Variants in AKAP6 observed in about 807,000 individuals in gnomAD.
AKAP6 encodes A-kinase anchoring protein 6.
AKAP6 carries 58 observed loss-of-function variants against 188.5 expected under a neutral mutation model. The observed-to-expected ratio is 0.31, with a 90% confidence interval of 0.25 to 0.38. The LOEUF (loss-of-function observed/expected upper bound fraction) is 0.38. AKAP6 is among the 10% of genes least tolerant of loss of function. The pLI, the probability that AKAP6 is intolerant of heterozygous loss-of-function variation, is 1.00. For missense variants in AKAP6, 2,710 were observed against 2,740.0 expected, an observed-to-expected ratio of 0.99 and a Z score of 0.24; for synonymous variants, 989 against 998.6, an observed-to-expected ratio of 0.99 and a Z score of 0.18.
intron 12 of AKAP6, among the ~76,000 whole-genome samples, chr14:32,816,156 A>G (rs2034371816): frequency 6.6e-6 from 1 of 152,148 alleles, no homozygotes; most frequent in Non-Finnish European, 1.5e-5. Flanking sequence ...CCATTTTCAG[A>G]GATGGAAGCA....
intron 7 of AKAP6, among the ~76,000 whole-genome samples, chr14:32,612,049 T>G (rs1886371169): frequency 6.6e-6 from 1 of 152,118 alleles, no homozygotes; most frequent in Non-Finnish European, 1.5e-5. Context: ...GAGGAGGGAC[T>G]AGAGAACAGA....
chr14:32,785,740 C>T (rs1204030582), intron 12 of AKAP6, among the ~76,000 whole-genome samples: 1 of 152,106 alleles, frequency 6.6e-6, no homozygotes, highest in African/African-American at 2.4e-5. Context: ...AGGACAACTT[C>T]TTTCTCTCAC....
At chr14:32,463,512 G>A (rs1402949815) in intron 2 of AKAP6, among the ~76,000 whole-genome samples, 1 of 152,098 alleles carries the variant, frequency 6.6e-6, no homozygotes, top group Non-Finnish European at 1.5e-5. Context: ...GGGGTAAAGA[G>A]TGAAATTAAG....
chr14:32,779,245 AT>A (rs1301953969), intron 12 of AKAP6, among the ~76,000 whole-genome samples: 1 of 151,808 alleles, frequency 6.6e-6, no homozygotes, highest in Admixed American at 6.6e-5. Flanking sequence ...AAAAATAAAA[AT>A]AAAAAATTAG....
chr14:32,688,007 A>G (rs1178948604), intron 8 of AKAP6, among the ~76,000 whole-genome samples: 1 of 152,158 alleles, frequency 6.6e-6, no homozygotes, highest in Non-Finnish European at 1.5e-5. Flanking sequence ...GATGACATCC[A>G]TGCCAAGAGC....
chr14:32,531,919 T>C (rs1430413455), intron 2 of AKAP6, among the ~76,000 whole-genome samples: 1 of 152,220 alleles, frequency 6.6e-6, no homozygotes, highest in Non-Finnish European at 1.5e-5. Flanking sequence ...AGTTTACCTA[T>C]TGAAGGTTTT....
chr14:32,614,956 G>A (rs1222113904), intron 7 of AKAP6, among the ~76,000 whole-genome samples: 1 of 151,772 alleles, frequency 6.6e-6, no homozygotes, highest in African/African-American at 2.4e-5. Context: ...AGATCATGAG[G>A]TCAAGAGATC....
intron 5 of AKAP6, among the ~76,000 whole-genome samples, chr14:32,598,364 C>T (rs1885788894): frequency 6.6e-6 from 1 of 152,034 alleles, no homozygotes; most frequent in East Asian, 1.9e-4. Flanking sequence ...GAATTTTCAC[C>T]CCCCAAATTA....
intron 9 of AKAP6, among the ~76,000 whole-genome samples, chr14:32,727,417 G>A (rs1434077806): frequency 1.3e-5 from 2 of 152,162 alleles, no homozygotes; most frequent in Admixed American, 6.5e-5. Flanking sequence ...TTTCTGAGTG[G>A]TATGATTGGA....
chr14:32,457,122 GA>G (rs1286252419), intron 2 of AKAP6, among the ~76,000 whole-genome samples: 1 of 151,934 alleles, frequency 6.6e-6, no homozygotes, highest in Non-Finnish European at 1.5e-5. Flanking sequence ...TGATTAAATG[GA>G]AAAAAACAAA....
chr14:32,542,308 GTCATTCAT>G (rs767873167), intron 3 of AKAP6, among the ~76,000 whole-genome samples: 1 of 152,078 alleles, frequency 6.6e-6, no homozygotes, highest in Non-Finnish European at 1.5e-5. Context: ...CTAAAATGTT[GTCATTCAT>G]TCATTCATTC....
chr14:32,696,871 G>A (rs1890425874), intron 9 of AKAP6, among the ~76,000 whole-genome samples: 1 of 151,712 alleles, frequency 6.6e-6, no homozygotes, highest in Non-Finnish European at 1.5e-5. Flanking sequence ...ACTTTCCACT[G>A]AAATATCAGA....
chr14:32,377,134 G>A (rs749308073), intron 1 of AKAP6, among the ~76,000 whole-genome samples: 35 of 152,216 alleles, frequency 2.3e-4, no homozygotes, highest in Non-Finnish European at 4.6e-4. Context: ...CTTTTCCTAA[G>A]TGGTTCTGGT....
At chr14:32,424,443 A>G (rs1192336571) in intron 1 of AKAP6, among the ~76,000 whole-genome samples, 18 of 150,814 alleles carry the variant, frequency 1.2e-4, no homozygotes, top group Admixed American at 1.2e-3. Context: ...CCTCCCTTCC[A>G]TCTCTGCTTA....
intron 7 of AKAP6, among the ~76,000 whole-genome samples, chr14:32,660,798 G>T (rs1280383416): frequency 6.6e-6 from 1 of 151,978 alleles, no homozygotes; most frequent in Admixed American, 6.6e-5. Context: ...GAGGGAAGTG[G>T]AGTATTTAAC....
chr14:32,737,351 TG>T (rs2031476639), intron 11 of AKAP6, among the ~76,000 whole-genome samples: 1 of 152,182 alleles, frequency 6.6e-6, no homozygotes, highest in Non-Finnish European at 1.5e-5. Flanking sequence ...TCTTAGTGTT[TG>T]GTATATGATT....
chr14:32,584,539 A>G (rs989335360), intron 5 of AKAP6, among the ~76,000 whole-genome samples: 1 of 152,206 alleles, frequency 6.6e-6, no homozygotes, highest in Non-Finnish European at 1.5e-5. Context: ...CAATCTGACA[A>G]ATATATACAC....
chr14:32,778,248 G>A (rs1467704193), intron 12 of AKAP6, among the ~76,000 whole-genome samples: 1 of 152,058 alleles, frequency 6.6e-6, no homozygotes, highest in East Asian at 1.9e-4. Context: ...AAGCACAAGG[G>A]AATGAAGAAG....
At chr14:32,368,904 A>G (rs936871158) in intron 1 of AKAP6, among the ~76,000 whole-genome samples, 1 of 152,096 alleles carries the variant, frequency 6.6e-6, no homozygotes, top group African/African-American at 2.4e-5. Flanking sequence ...AACATGCTGA[A>G]TAAATGTGGA....
Sources: allele counts gnomAD v4.1 joint callset (sites outside exome capture counted in the v4.1 genomes callset), GRCh38; gene constraint gnomAD v4.1.1; transcripts MANE v1.5; gene names NCBI Gene and HGNC (gene_info 2026-07-23, HGNC 2026-07-21).